Variants in HS6ST3 observed in about 807,000 individuals in gnomAD.
HS6ST3 encodes heparan sulfate 6-O-sulfotransferase 3.
Under a neutral mutation model 36.7 loss-of-function variants are expected in HS6ST3, and 12 were observed. That is an observed-to-expected ratio of 0.33 (90% CI 0.21 to 0.53). HS6ST3 has a LOEUF of 0.53. Among genes scored for constraint, HS6ST3 ranks in the 20% least tolerant of loss-of-function variants. HS6ST3 has a pLI of 0.95. For missense variants in HS6ST3, 584 were observed against 640.9 expected, an observed-to-expected ratio of 0.91 and a Z score of 0.96; for synonymous variants, 240 against 257.5, an observed-to-expected ratio of 0.93 and a Z score of 0.65.
chr13:96,618,780 C>T (rs1024325913), intron 1 of HS6ST3, among the ~76,000 whole-genome samples: 30 of 152,162 alleles, frequency 2.0e-4, no homozygotes, highest in African/African-American at 7.0e-4. Flanking sequence ...GAACTGTATA[C>T]TAGAACAACT....
chr13:96,473,530 C>T (rs948189084), intron 1 of HS6ST3, among the ~76,000 whole-genome samples: 1 of 152,158 alleles, frequency 6.6e-6, no homozygotes, highest in Non-Finnish European at 1.5e-5. Context: ...TGTCTGGCAT[C>T]GCTACCTCTT....
intron 1 of HS6ST3, among the ~76,000 whole-genome samples, chr13:96,493,061 A>G (rs2055954610): frequency 6.6e-6 from 1 of 152,190 alleles, no homozygotes; most frequent in African/African-American, 2.4e-5. Flanking sequence ...GTTGCCCTTC[A>G]CTTGGCTTCC....
chr13:96,485,024 C>T (rs2055907328), intron 1 of HS6ST3, among the ~76,000 whole-genome samples: 1 of 152,056 alleles, frequency 6.6e-6, no homozygotes, highest in Non-Finnish European at 1.5e-5. Flanking sequence ...TTGATAATAG[C>T]CATTTTTACA....
intron 1 of HS6ST3, among the ~76,000 whole-genome samples, chr13:96,558,438 C>T (rs919266811): frequency 6.6e-6 from 1 of 152,202 alleles, no homozygotes; most frequent in Non-Finnish European, 1.5e-5. Context: ...CCCTAAGTCT[C>T]ACAGCAGGTA....
At chr13:96,373,952 T>G (rs1195351954) in intron 1 of HS6ST3, among the ~76,000 whole-genome samples, 3 of 152,212 alleles carry the variant, frequency 2.0e-5, no homozygotes, top group Non-Finnish European at 2.9e-5. Context: ...GTTTGGACTA[T>G]GCTAATCATG....
chr13:96,832,348 T>C lies in HS6ST3; in HGVS notation c.708-142T>C, dbSNP rs1050215020. Reference sequence around the variant, plus strand: ...ATGGAAACATATGCACATGCATCAATAGACACAAATGCAGGCGAATACTCT... The same window carrying C: ...ATGGAAACATATGCACATGCATCAACAGACACAAATGCAGGCGAATACTCT... On this transcript the variant is annotated intron_variant, in intron 1 of 1. Transcript: ENST00000376705. 13 of 620,562 alleles carry C rather than the reference T, an allele frequency of 2.1e-5. No individual in the cohort carries two copies. In the African/African-American group the frequency reaches 2.4e-4, roughly 11 times the overall value. The allele number at this position is 620,562 out of a possible 1,614,324, so 38.4% of individuals were successfully genotyped here.
intron 1 of HS6ST3, among the ~76,000 whole-genome samples, chr13:96,772,013 T>C (rs566483287): frequency 5.3e-5 from 8 of 152,232 alleles, no homozygotes; most frequent in Non-Finnish European, 1.0e-4. Flanking sequence ...TTGGTCTTTA[T>C]TTTTTAATTC....
chr13:96,515,101 A>C (rs888170853), intron 1 of HS6ST3, among the ~76,000 whole-genome samples: 8 of 152,196 alleles, frequency 5.3e-5, no homozygotes, highest in African/African-American at 1.9e-4. Flanking sequence ...CTTGCAGTTG[A>C]TTGGCAGCTG....
chr13:96,122,671 A>G (rs2053931750), intron 1 of HS6ST3, among the ~76,000 whole-genome samples: 1 of 152,214 alleles, frequency 6.6e-6, no homozygotes, highest in African/African-American at 2.4e-5. Flanking sequence ...GATAGTATAC[A>G]AGTGGGGTGA....
At chr13:96,818,696 C>G (rs1032681737) in intron 1 of HS6ST3, among the ~76,000 whole-genome samples, 2 of 152,222 alleles carry the variant, frequency 1.3e-5, no homozygotes, top group Non-Finnish European at 2.9e-5. Flanking sequence ...AGAGAGGAGA[C>G]TAGTGCACAG....
rs549123279 is a variant in HS6ST3, at chr13:96,698,970, G to A, written c.708-133520G>A. Among the ~76,000 whole-genome samples the A allele has an allele frequency of 8.5e-5, 13 of 152,192 alleles. No individual in the cohort carries two copies. In the East Asian group the frequency reaches 2.5e-3, roughly 29 times the overall value. Reference sequence around the variant, plus strand: ...GCATATCTACAACTATCTGATCTTTGACAAACCTGACAAAAACAAGAAATG... The same window carrying A: ...GCATATCTACAACTATCTGATCTTTAACAAACCTGACAAAAACAAGAAATG... On this transcript the variant is annotated intron_variant, in intron 1 of 1. Coordinates refer to ENST00000376705, the MANE Select transcript of HS6ST3 (RefSeq NM_153456.4).
chr13:96,421,324 C>T (rs2055561138), intron 1 of HS6ST3, among the ~76,000 whole-genome samples: 1 of 152,168 alleles, frequency 6.6e-6, no homozygotes, highest in East Asian at 1.9e-4. Context: ...GACTTCCTCT[C>T]TTCCTGTGGA....
At chr13:96,222,835 A>G (rs963598829) in intron 1 of HS6ST3, among the ~76,000 whole-genome samples, 5 of 152,220 alleles carry the variant, frequency 3.3e-5, no homozygotes, top group Non-Finnish European at 5.9e-5. Flanking sequence ...AGCATGCTTT[A>G]GCTCATAGAG....
intron 1 of HS6ST3, among the ~76,000 whole-genome samples, chr13:96,764,688 C>T (rs1190214677): frequency 6.6e-6 from 1 of 152,154 alleles, no homozygotes; most frequent in Non-Finnish European, 1.5e-5. Flanking sequence ...AGGATCCTTG[C>T]TTGCTGAGAG....
chr13:96,599,560 A>AT (rs373891699), intron 1 of HS6ST3, among the ~76,000 whole-genome samples: 2 of 151,240 alleles, frequency 1.3e-5, no homozygotes, highest in African/African-American at 4.9e-5. Flanking sequence ...TGTTATATCA[A>AT]TTTTTTTATC....
intron 1 of HS6ST3, among the ~76,000 whole-genome samples, chr13:96,647,061 C>G (rs1594826386): frequency 6.6e-6 from 1 of 152,020 alleles, no homozygotes; most frequent in East Asian, 1.9e-4. Flanking sequence ...GCTGCTTTTT[C>G]CACAATAATT....
intron 1 of HS6ST3, among the ~76,000 whole-genome samples, chr13:96,689,719 A>G (rs1358333286): frequency 6.6e-6 from 1 of 150,416 alleles, no homozygotes; most frequent in African/African-American, 2.4e-5. Flanking sequence ...TTAGAGATAG[A>G]TAGATGTGAA....
intron 1 of HS6ST3, among the ~76,000 whole-genome samples, chr13:96,797,994 C>A (rs1374340971): frequency 6.6e-6 from 1 of 152,006 alleles, no homozygotes; most frequent in Non-Finnish European, 1.5e-5. Context: ...AATTCACAAG[C>A]CCACAGGTTG....
At chr13:96,187,103 T>C (rs2054268385) in intron 1 of HS6ST3, among the ~76,000 whole-genome samples, 1 of 152,226 alleles carries the variant, frequency 6.6e-6, no homozygotes, top group African/African-American at 2.4e-5. Flanking sequence ...ACATGTCCTC[T>C]ACTTTGGTAC....
Sources: gnomAD v4.1 joint callset for allele counts (sites outside exome capture counted in the v4.1 genomes callset) on GRCh38, gnomAD v4.1.1 for gene constraint, MANE v1.5 for transcripts, NCBI Gene and HGNC (gene_info 2026-07-23, HGNC 2026-07-21) for gene names.